The following PLA2R1 variants were observed in gnomAD, a reference collection of about 807,000 sequenced individuals.
The protein encoded by PLA2R1 is secretory phospholipase A2 receptor.
PLA2R1 carries 158 observed loss-of-function variants against 195.9 expected under a neutral mutation model. That is an observed-to-expected ratio of 0.81 (90% CI 0.71 to 0.92). The LOEUF is 0.92. Ranked by LOEUF, PLA2R1 falls within the 40% of genes least tolerant of loss-of-function variation. The pLI, the probability that PLA2R1 is intolerant of heterozygous loss-of-function variation, is 0.00. For synonymous variants in PLA2R1, 586 were observed against 598.2 expected, an observed-to-expected ratio of 0.98 and a Z score of 0.30; for missense variants, 1,626 against 1,764.6, an observed-to-expected ratio of 0.92 and a Z score of 1.41.
At chr2:159,942,014 A>C in intron 29 of PLA2R1, 22 bp from the exon 30 acceptor site, 4 of 1,595,950 alleles carry the variant, frequency 2.5e-6, no homozygotes, top group Non-Finnish European at 3.4e-6. Flanking sequence ...TATTTTTCTT[A>C]AAAAAAGAAA....
intron 3 of PLA2R1, among the ~76,000 whole-genome samples, chr2:160,038,062 G>A (rs1694273280): frequency 6.6e-6 from 1 of 152,210 alleles, no homozygotes; most frequent in Non-Finnish European, 1.5e-5. Flanking sequence ...TGGAAATGGA[G>A]GTCAAGGTCA....
downstream of PLA2R1, among the ~76,000 whole-genome samples, chr2:159,931,282 C>T (rs150607149): frequency 1.3e-5 from 2 of 152,294 alleles, no homozygotes; most frequent in East Asian, 3.9e-4. Context: ...ACAATCCTAG[C>T]ACTTTGACAG....
At chr2:159,947,823 G>A (rs1332231223) in intron 25 of PLA2R1, among the ~76,000 whole-genome samples, 12 of 152,186 alleles carry the variant, frequency 7.9e-5, no homozygotes, top group African/African-American at 2.7e-4. Context: ...CTGCCTGGGT[G>A]AGGGTGGCTC....
intron 6 of PLA2R1, among the ~76,000 whole-genome samples, chr2:160,023,396 G>T (rs1693274081): frequency 1.3e-5 from 2 of 152,162 alleles, no homozygotes; most frequent in Admixed American, 1.3e-4. Flanking sequence ...CTCATTATAT[G>T]CTAATTATAA....
intron 10 of PLA2R1, among the ~76,000 whole-genome samples, chr2:160,007,774 A>G (rs1364438140): frequency 6.6e-6 from 1 of 152,260 alleles, no homozygotes; most frequent in Non-Finnish European, 1.5e-5. Context: ...TCCCGTGTTC[A>G]TGCCTTGGAA....
chr2:159,992,338 A>G (rs1690872886), intron 11 of PLA2R1, among the ~76,000 whole-genome samples: 1 of 151,868 alleles, frequency 6.6e-6, no homozygotes, highest in African/African-American at 2.4e-5. Context: ...AAATCAATGT[A>G]CAAAAATCAC....
intron 14 of PLA2R1, among the ~76,000 whole-genome samples, chr2:159,978,846 A>C (rs1689752230): frequency 1.3e-5 from 2 of 152,112 alleles, no homozygotes; most frequent in Admixed American, 6.5e-5. Context: ...GGCTTTCTCT[A>C]TTGTTCTTTA....
intron 13 of PLA2R1, among the ~76,000 whole-genome samples, chr2:159,982,677 G>T (rs1441264333): frequency 2.0e-5 from 3 of 152,170 alleles, no homozygotes; most frequent in African/African-American, 7.2e-5. Flanking sequence ...TGTGGAAGAT[G>T]AATAATCTGA....
rs146742579 is a variant in PLA2R1, at chr2:160,030,861, A to G, written c.842-1898T>C. 7.5e-3 allele frequency among the ~76,000 whole-genome samples: 1,149 copies of G among 152,312 alleles called. 23 individuals are homozygous for G. The highest frequency in any genetic ancestry group is 0.026 in the African/African-American group (1,068 of 41,576). On this transcript the variant is annotated intron_variant, in intron 4 of 29. Transcript: ENST00000283243. The stretch of plus-strand genomic sequence containing the variant: ...TTCCCAAAGACTAATTATAGAACTG[A>G]GGTAGTTAAATCAAAGTCCCTGACA...
chr2:159,927,563 G>C (rs1420287193), downstream of PLA2R1, among the ~76,000 whole-genome samples: 1 of 152,242 alleles, frequency 6.6e-6, no homozygotes, highest in East Asian at 1.9e-4. Flanking sequence ...TCTCCCTTCT[G>C]TACTCCCTTC....
At chr2:159,926,777 C>A in the PLA2R1 span, among the ~76,000 whole-genome samples, 369 of 152,224 alleles carry the variant, frequency 2.4e-3, 2 homozygotes, top group African/African-American at 8.0e-3. Context: ...CCCTTCCCCC[C>A]ACCCAGCTCC....
At chr2:159,928,961 G>T (rs1686535517), downstream of PLA2R1, among the ~76,000 whole-genome samples, 1 of 152,192 alleles carries the variant, frequency 6.6e-6, no homozygotes, top group African/African-American at 2.4e-5. Context: ...GTAGAAGAAT[G>T]AAACTGGATC....
At chr2:160,009,133 G>A (rs919990113) in intron 10 of PLA2R1, among the ~76,000 whole-genome samples, 2 of 152,214 alleles carry the variant, frequency 1.3e-5, no homozygotes, top group African/African-American at 4.8e-5. Flanking sequence ...TAGCCATTAT[G>A]GAAAAGAGTA....
In PLA2R1 at chr2:159,967,694, G is replaced by A; in HGVS notation, c.2765-16C>T. 6.2e-7 allele frequency: 1 copy of A among 1,609,830 alleles called. No individual in the cohort carries two copies. Among genetic ancestry groups the A allele is most frequent in the African/African-American group, 1.3e-5 (1 of 74,854 alleles). ...CCCCAGAGTCCTGGAGGAGAAAATG[G>A]GTTAGAAATGGCTTAGGAACAATGG... On this transcript the variant is annotated splice_polypyrimidine_tract_variant and intron_variant, in intron 19 of 29. Transcript: ENST00000283243.
rs1307876422 is a variant in PLA2R1, at chr2:160,032,939, T to C, written c.841+20A>G. 6.6e-7 allele frequency: 1 copy of C among 1,519,492 alleles called. No individual in the cohort carries two copies. Among genetic ancestry groups the C allele is most frequent in the Non-Finnish European group, 9.1e-7 (1 of 1,098,772 alleles). The allele number at this position is 1,519,492 out of a possible 1,614,324, so 94.1% of individuals were successfully genotyped here. ...ATCTTTTATTGTATCAATATCAATGTGCGTCATCCACCTACTTACCCCTTA... is the reference window on the plus strand; with the variant it reads ...ATCTTTTATTGTATCAATATCAATGCGCGTCATCCACCTACTTACCCCTTA... On this transcript the variant is annotated intron_variant, in intron 4 of 29. Coordinates refer to ENST00000283243, the MANE Select transcript of PLA2R1 (RefSeq NM_007366.5).
chr2:160,062,097 G>A (rs977531724), intron 1 of PLA2R1, among the ~76,000 whole-genome samples, 198 bp downstream of exon 1: 1 of 151,922 alleles, frequency 6.6e-6, no homozygotes, highest in Non-Finnish European at 1.5e-5. Context: ...CGCAAGTGGG[G>A]TGCTGGGCCT....
Position 159,979,927 on chromosome 2 carries a change from G to A in PLA2R1, c.2184-13C>T. 1 of 1,515,040 alleles carries A rather than the reference G, an allele frequency of 6.6e-7. No individual in the cohort carries two copies. Among genetic ancestry groups the A allele is most frequent in the Non-Finnish European group, 9.1e-7 (1 of 1,097,486 alleles). 93.8% of individuals were successfully genotyped at this position (1,515,040 alleles called of 1,614,324 possible). ...CCTTTCTTCTGTCCTGTAAAGAGAAGAAACAAAAGCTTTGCCTTTCCCATC... is the reference window on the plus strand; with the variant it reads ...CCTTTCTTCTGTCCTGTAAAGAGAAAAAACAAAAGCTTTGCCTTTCCCATC... On this transcript the variant is annotated splice_polypyrimidine_tract_variant and intron_variant, in intron 13 of 29. Transcript: ENST00000283243.
chr2:160,028,517 G>A (rs1484821253), intron 5 of PLA2R1, among the ~76,000 whole-genome samples, 156 bp from the exon 6 acceptor site: 2 of 152,104 alleles, frequency 1.3e-5, no homozygotes, highest in African/African-American at 4.8e-5. Flanking sequence ...TTACAGTCCA[G>A]GCATGTCAAT....
chr2:159,981,747 T>C (rs1182260729), intron 13 of PLA2R1, among the ~76,000 whole-genome samples: 1 of 152,198 alleles, frequency 6.6e-6, no homozygotes, highest in Admixed American at 6.5e-5. Context: ...TCTCGCTCTG[T>C]TGCCCAGGCT....
Sources: allele counts gnomAD v4.1 joint callset (sites outside exome capture counted in the v4.1 genomes callset), GRCh38; gene constraint gnomAD v4.1.1; transcripts MANE v1.5; gene names NCBI Gene and HGNC (gene_info 2026-07-23, HGNC 2026-07-21).